TLE1: variants seen among roughly 807,000 people sequenced by gnomAD.
The protein encoded by TLE1 is TLE family member 1, transcriptional corepressor.
TLE1 carries 21 observed loss-of-function variants against 89.8 expected under a neutral mutation model. The observed-to-expected ratio is 0.23, with a 90% CI of 0.17 to 0.34. The LOEUF (loss-of-function observed/expected upper bound fraction) is 0.34, where lower values mean the gene tolerates loss of function less well. Among genes scored for constraint, TLE1 ranks in the 10% least tolerant of loss-of-function variants. The probability of loss-of-function intolerance (pLI) is 1.00; values close to 1 mark genes in which losing one functional copy is unlikely to be tolerated. For missense variants in TLE1, 795 were observed against 1,031.2 expected (o/e 0.77, Z 3.14); for synonymous variants, 447 against 407.6 (o/e 1.10, Z -1.16).
chr9:81,634,384 G>A, intron 6 of TLE1, 83 bp from the exon 7 acceptor site: 1 of 1,174,174 alleles, frequency 8.5e-7, no homozygotes, highest in Non-Finnish European at 1.1e-6. Context: ...GCGGCATCCA[G>A]GGGAAAACAG....
chr9:81,628,408 G>T lies in TLE1; in HGVS notation c.594+4940C>A, dbSNP rs529926391. Among the ~76,000 whole-genome samples, 3 of 152,282 alleles carry T rather than the reference G, an allele frequency of 2.0e-5. No homozygotes were observed. In the East Asian group the frequency reaches 5.8e-4, roughly 29 times the overall value. ...CCTGATGCCGCCATGGTTCCCATAG[G>T]CCTCCGGGAATGAACGTGATTTTTC... is the stretch of plus-strand genomic sequence containing the variant. On this transcript the variant is annotated intron_variant, in intron 8 of 19. Coordinates refer to ENST00000376499, the MANE Select transcript of TLE1 (RefSeq NM_005077.5).
rs535476647 is a variant in TLE1 at position 81,631,123 on chromosome 9, A to G, written c.594+2225T>C. Reference sequence around the variant, plus strand: ...ACACATAAATCCACATTTGAACTAGAAAGTTCGTTGACTGCTAACCCTAAC... The same window carrying G: ...ACACATAAATCCACATTTGAACTAGGAAGTTCGTTGACTGCTAACCCTAAC... On this transcript the variant is annotated intron_variant, in intron 8 of 19. Coordinates refer to ENST00000376499, the MANE Select transcript of TLE1 (RefSeq NM_005077.5). Among the ~76,000 whole-genome samples, 8 of 152,358 alleles carry G rather than the reference A, an allele frequency of 5.3e-5. No individual in the cohort carries two copies. The South Asian group carries it at 8.3e-4, about 16-fold the overall frequency.
chr9:81,676,906 T>C (rs569969839), intron 4 of TLE1, among the ~76,000 whole-genome samples: 4 of 152,368 alleles, frequency 2.6e-5, no homozygotes, highest in Admixed American at 6.5e-5. Context: ...TTATTTTAAA[T>C]GTATACAACA....
At chr9:81,687,153 AGAG>A (rs1364200305) in intron 2 of TLE1, among the ~76,000 whole-genome samples, 178 bp downstream of exon 2, 1 of 152,230 alleles carries the variant, frequency 6.6e-6, no homozygotes, top group Non-Finnish European at 1.5e-5. Context: ...GGAGGAGACA[AGAG>A]AAGAGGCGGC....
At chr9:81,588,241 G>A (rs535744852) in intron 16 of TLE1, among the ~76,000 whole-genome samples, 6 of 152,252 alleles carry the variant, frequency 3.9e-5, no homozygotes, top group South Asian at 2.1e-4. Context: ...TTCTTTAATC[G>A]TGCAGGCCTG....
intron 14 of TLE1, among the ~76,000 whole-genome samples, chr9:81,601,663 C>G (rs1830943818): frequency 6.6e-6 from 1 of 151,464 alleles, no homozygotes; most frequent in African/African-American, 2.4e-5. Flanking sequence ...CTCCACAGAG[C>G]TCAGGGGAAT....
intron 4 of TLE1, among the ~76,000 whole-genome samples, chr9:81,654,325 CTATATATATATACACATA>C (rs1282510993): frequency 6.6e-6 from 1 of 151,718 alleles, no homozygotes; most frequent in Non-Finnish European, 1.5e-5. Flanking sequence ...AATATGGTGA[CTATATATATATACACATA>C]TATATATGTA....
chr9:81,590,629 C>T (rs1359024738), intron 16 of TLE1, among the ~76,000 whole-genome samples, 176 bp downstream of exon 16: 1 of 152,250 alleles, frequency 6.6e-6, no homozygotes, highest in Non-Finnish European at 1.5e-5. Flanking sequence ...AGTAATAAGA[C>T]TGTAAGCCCC....
intron 6 of TLE1, among the ~76,000 whole-genome samples, chr9:81,644,750 T>A (rs547049320): frequency 6.6e-6 from 1 of 152,140 alleles, no homozygotes; most frequent in South Asian, 2.1e-4. Context: ...TCCCAGCACT[T>A]TGGGAGGCAG....
intron 13 of TLE1, among the ~76,000 whole-genome samples, chr9:81,610,742 G>GCCCCCCCCCCCCCC (rs142200191): frequency 1.4e-5 from 2 of 145,702 alleles, no homozygotes; most frequent in African/African-American, 2.5e-5. Flanking sequence ...ATCCATACCT[G>GCCCCCCCCCCCCCC]CCCCCCCTCC....
Position 81,611,791 on chromosome 9 carries a change from A to C in TLE1, c.1232T>G (p.Val411Gly). Residue 411 changes from valine to glycine, a missense_variant, in exon 13 of 20, where the codon GTG becomes GGG. By Grantham distance (109) the Val-to-Gly change is moderately radical (BLOSUM62 -3). Coordinates refer to ENST00000376499, the MANE Select transcript of TLE1 (RefSeq NM_005077.5). ...TACCATGGGGGAGCGCCCGTAGGCCACCACGGCGGCCGCGGCGGCTGCGGC... is the reference window on the plus strand; with the variant it reads ...TACCATGGGGGAGCGCCCGTAGGCCCCCACGGCGGCCGCGGCGGCTGCGGC... ...MSAAAAAAAV[V>G]AYGRSPMVGF... 6.5e-7 allele frequency: 1 copy of C among 1,546,096 alleles called. No individual in the cohort carries two copies. Among genetic ancestry groups the C allele is most frequent in the Non-Finnish European group, 8.7e-7 (1 of 1,153,638 alleles).
At chr9:81,603,658 A>G (rs1831248652) in intron 14 of TLE1, among the ~76,000 whole-genome samples, 1 of 152,352 alleles carries the variant, frequency 6.6e-6, no homozygotes, top group Middle Eastern at 3.4e-3. Flanking sequence ...CCTCCAGCCC[A>G]AAACTCTTTT....
At chr9:81,588,231 T>C (rs1828889083) in intron 16 of TLE1, among the ~76,000 whole-genome samples, 1 of 152,184 alleles carries the variant, frequency 6.6e-6, no homozygotes, top group South Asian at 2.1e-4. Context: ...TAAAGGTCTG[T>C]TCTTTAATCG....
Position 81,630,606 on chromosome 9 carries a change from A to G in TLE1, c.594+2742T>C, listed in dbSNP as rs891454764. On this transcript the variant is annotated intron_variant, in intron 8 of 19. Transcript: ENST00000376499. ...TCAATAATTTGATTTCAAGGGTATC[A>G]AGATCATGAGGCCATAAGGCTTTGA... Among the ~76,000 whole-genome samples, 6 of 152,346 alleles carry G rather than the reference A, an allele frequency of 3.9e-5. No homozygotes were observed. In the East Asian group the frequency reaches 9.6e-4, roughly 24 times the overall value.
Position 81,687,439 on chromosome 9 carries a change from G to A in TLE1, c.25-5C>T. The stretch of plus-strand genomic sequence containing the variant: ...GCCTGCAGCCTGGTGCGGCGTCTGG[G>A]GGCGACCAGCGAGGGGGACCGAGGG... On this transcript the variant is annotated splice_region_variant and splice_polypyrimidine_tract_variant and intron_variant, in intron 1 of 19. Coordinates refer to ENST00000376499, the MANE Select transcript of TLE1 (RefSeq NM_005077.5). 6 of 1,606,864 alleles carry A rather than the reference G, an allele frequency of 3.7e-6. No individual in the cohort carries two copies. The highest frequency in any genetic ancestry group is 5.1e-6 in the Non-Finnish European group (6 of 1,177,052).
chr9:81,642,943 G>A lies in TLE1; in HGVS notation c.373-8642C>T, dbSNP rs1464443951. Among the ~76,000 whole-genome samples the A allele has an allele frequency of 2.6e-5, 4 of 152,214 alleles. No individual in the cohort carries two copies. The East Asian group carries it at 7.7e-4, about 29-fold the overall frequency. On this transcript the variant is annotated intron_variant, in intron 6 of 19. Transcript: ENST00000376499. ...ACCACTTACGACAACATGGGCAGAT[G>A]TGCAGAACAGTAGGCTAAGCGAAAT...
chr9:81,632,930 G>T (rs1485012181), intron 8 of TLE1, among the ~76,000 whole-genome samples: 1 of 152,132 alleles, frequency 6.6e-6, no homozygotes, highest in Non-Finnish European at 1.5e-5. Flanking sequence ...ACTTCACAAA[G>T]GGATTGTGAT....
chr9:81,651,432 T>C (rs2132615673), intron 6 of TLE1, among the ~76,000 whole-genome samples: 1 of 152,218 alleles, frequency 6.6e-6, no homozygotes, highest in South Asian at 2.1e-4. Flanking sequence ...TGACAACCAG[T>C]GGCTAGCACG....
chr9:81,657,630 C>G (rs761126083), intron 4 of TLE1, among the ~76,000 whole-genome samples: 12 of 151,962 alleles, frequency 7.9e-5, no homozygotes, highest in Non-Finnish European at 1.0e-4. Context: ...AAAAGAAAGA[C>G]ATATGAAAGC....
Sources: allele counts gnomAD v4.1 joint callset (sites outside exome capture counted in the v4.1 genomes callset), GRCh38; gene constraint gnomAD v4.1.1; transcripts MANE v1.5; gene names NCBI Gene and HGNC (gene_info 2026-07-23, HGNC 2026-07-21).